Variants in ARHGEF39 observed in about 807,000 individuals in gnomAD.
The protein encoded by ARHGEF39 is Rho guanine nucleotide exchange factor (GEF) 39.
In ARHGEF39, 45 loss-of-function variants were observed where a neutral mutation model predicts 47.5. The ratio of observed to expected loss-of-function variants is 0.95; its 90% confidence interval spans 0.75 to 1.22. The LOEUF is 1.22. Among genes scored for constraint, ARHGEF39 ranks in the 50% most tolerant of loss-of-function variants. ARHGEF39 has a pLI of 0.00. For missense variants in ARHGEF39, 411 were observed against 425.3 expected (o/e 0.97, Z 0.30); for synonymous variants, 164 against 167.8 (o/e 0.98, Z 0.17).
intron 7 of ARHGEF39, 98 bp downstream of exon 7, chr9:35,662,414 G>T: frequency 7.1e-7 from 1 of 1,399,372 alleles, no homozygotes; most frequent in Non-Finnish European, 9.9e-7. Flanking sequence ...AATGTAGATG[G>T]CTCTGTTCCT....
At position 35,659,837 on chromosome 9, in the gene ARHGEF39, T is replaced by TA. The variant is rs778835864; in HGVS notation, c.*2149dup. 1.3e-5 allele frequency: 2 copies of TA among 152,734 alleles called. No individual in the cohort carries two copies. Among genetic ancestry groups the TA allele is most frequent in the Non-Finnish European group, 2.9e-5 (2 of 68,470 alleles). The allele number at this position is 152,734 out of a possible 1,614,324, so 9.5% of individuals were successfully genotyped here. A position where few individuals can be genotyped will look rare whatever the true frequency, so the allele number is the denominator to read the frequency against. On this transcript the variant is annotated 3_prime_UTR_variant, in exon 9 of 9. Coordinates refer to ENST00000378387, the MANE Select transcript of ARHGEF39 (RefSeq NM_032818.3). ...ATTTTGGCTTTGTGCATGAACTGTC[T>TA]AACAACCAAAGTTTTTGTTTTTTTC...
chr9:35,664,990 G>C, intron 1 of ARHGEF39, 42 bp downstream of exon 1: 1 of 1,516,114 alleles, frequency 6.6e-7, no homozygotes, highest in Non-Finnish European at 8.8e-7. Flanking sequence ...CCACACCCTG[G>C]GGTCCCTGTC....
chr9:35,659,696 A>G lies in ARHGEF39; in HGVS notation c.*2291T>C, dbSNP rs1370132603. 1.3e-5 allele frequency: 2 copies of G among 152,384 alleles called. No homozygotes were observed. Among genetic ancestry groups the G allele is most frequent in the East Asian group, 1.9e-4 (1 of 5,188 alleles). 9.4% of individuals were successfully genotyped at this position (152,384 alleles called of 1,614,324 possible). On this transcript the variant is annotated 3_prime_UTR_variant, in exon 9 of 9. Transcript: ENST00000378387. ...GTTAATAAACCAGAAAAAACTCAGG[A>G]AAGTGGGTGAGGGTGTGACCATTGC... is the stretch of plus-strand genomic sequence containing the variant.
At position 35,660,481 on chromosome 9, in the gene ARHGEF39, G is replaced by T. The variant is rs748130756; in HGVS notation, c.*1506C>A. On this transcript the variant is annotated 3_prime_UTR_variant, in exon 9 of 9. Coordinates refer to ENST00000378387, the MANE Select transcript of ARHGEF39 (RefSeq NM_032818.3). ...AGTCAGGTGGGTTTAGCAGAAGTCT[G>T]TGCTGGGTCGGGGGAGTTTAGGGGA... 2.4e-5 allele frequency: 38 copies of T among 1,613,448 alleles called. No individual in the cohort carries two copies. Among genetic ancestry groups the T allele is most frequent in the Non-Finnish European group, 3.2e-5 (38 of 1,179,614 alleles).
chr9:35,664,912 C>T, intron 1 of ARHGEF39, 62 bp from the exon 2 acceptor site: 1 of 1,567,452 alleles, frequency 6.4e-7, no homozygotes. Context: ...GCCAAGCGCC[C>T]CCAGAAACCG....
rs201836449 is a variant in ARHGEF39, at chr9:35,660,417, C to T, written c.*1570G>A. 5.2e-5 allele frequency: 84 copies of T among 1,606,862 alleles called. No individual in the cohort carries two copies. The Admixed American group carries it at 1.2e-3, about 24-fold the overall frequency. On this transcript the variant is annotated 3_prime_UTR_variant, in exon 9 of 9. Transcript: ENST00000378387. ...CCACAACAGGGGAAAGATGAAACTG[C>T]GGTTCTCCACGAGGAGGCAAGCAAG...
chr9:35,663,723 C>T (rs750290652), intron 4 of ARHGEF39, among the ~76,000 whole-genome samples: 2 of 152,152 alleles, frequency 1.3e-5, no homozygotes, highest in Non-Finnish European at 2.9e-5. Flanking sequence ...AATTCTAACC[C>T]AGGCCAGCCC....
At chr9:35,663,140 AG>A in intron 5 of ARHGEF39, 66 bp from the exon 6 acceptor site, 1 of 1,605,714 alleles carries the variant, frequency 6.2e-7, no homozygotes, top group East Asian at 2.2e-5. Context: ...GTTGTGAAAG[AG>A]GTTATTCTGG....
chr9:35,664,447 C>A lies in ARHGEF39; in HGVS notation c.279G>T (p.Leu93=). 2 of 1,609,256 alleles carry A rather than the reference C, an allele frequency of 1.2e-6. No homozygotes were observed. The highest frequency in any genetic ancestry group is 1.7e-6 in the Non-Finnish European group (2 of 1,176,766). Residue 93 remains leucine (L), a synonymous_variant, in exon 3 of 9, where the codon CTG becomes CTT. Transcript: ENST00000378387. ...GCTCCAAGTGGCGGCAGAAGCCCTC[C>A]AGCCCTTGGCCCCAGCATCCTCCTT... ...YLEGGCWGQG[L]EGFCRHLELY... is the part of the protein sequence containing the mutation.
Position 35,660,419 on chromosome 9 carries a change from G to A in ARHGEF39, c.*1568C>T, listed in dbSNP as rs1168207031. 2 of 1,608,674 alleles carry A rather than the reference G, an allele frequency of 1.2e-6. No individual in the cohort carries two copies. The highest frequency in any genetic ancestry group is 2.2e-5 in the South Asian group (2 of 90,218). On this transcript the variant is annotated 3_prime_UTR_variant, in exon 9 of 9. Coordinates refer to ENST00000378387, the MANE Select transcript of ARHGEF39 (RefSeq NM_032818.3). Reference sequence around the variant, plus strand: ...ACAACAGGGGAAAGATGAAACTGCGGTTCTCCACGAGGAGGCAAGCAAGCA... The same window carrying A: ...ACAACAGGGGAAAGATGAAACTGCGATTCTCCACGAGGAGGCAAGCAAGCA...
In ARHGEF39 at chr9:35,660,397, A is replaced by G; in HGVS notation, c.*1590T>C. ...AGTACTGCCCTTTCCTTCTTCCACA[A>G]CAGGGGAAAGATGAAACTGCGGTTC... On this transcript the variant is annotated 3_prime_UTR_variant, in exon 9 of 9. Coordinates refer to ENST00000378387, the MANE Select transcript of ARHGEF39 (RefSeq NM_032818.3). 1.3e-6 allele frequency: 2 copies of G among 1,594,568 alleles called. No homozygotes were observed. The highest frequency in any genetic ancestry group is 1.7e-6 in the Non-Finnish European group (2 of 1,170,786).
intron 5 of ARHGEF39, 101 bp downstream of exon 5, chr9:35,663,221 G>A (rs1193395076): frequency 1.3e-6 from 2 of 1,552,690 alleles, no homozygotes; most frequent in Admixed American, 1.7e-5. Flanking sequence ...ATACATGTCA[G>A]TGGAAGATAG....
Position 35,662,993 on chromosome 9 carries a change from C to A in ARHGEF39, c.626G>T (p.Arg209Leu). The change falls in exon 6 of 9, where the codon CGT becomes CTT. Residue 209 changes from arginine (R) to leucine (L), a missense_variant. Coordinates refer to ENST00000378387, the MANE Select transcript of ARHGEF39 (RefSeq NM_032818.3). ...QKQKNDQHLR[R>L]VQALLSGRQA... Reference sequence around the variant, plus strand: ...GCGTCCACTGAGCAGAGCCTGGACACGCCGAAGGTGCTGGTCATTCTTCTG... The same window carrying A: ...GCGTCCACTGAGCAGAGCCTGGACAAGCCGAAGGTGCTGGTCATTCTTCTG... 1 of 1,614,020 alleles carries A rather than the reference C, an allele frequency of 6.2e-7. No individual in the cohort carries two copies. The highest frequency in any genetic ancestry group is 8.5e-7 in the Non-Finnish European group (1 of 1,179,916).
In ARHGEF39 at chr9:35,663,035, T is replaced by C. The variant is rs373712531; in HGVS notation, c.584A>G (p.His195Arg). 7 of 1,611,896 alleles carry C rather than the reference T, an allele frequency of 4.3e-6. No individual in the cohort carries two copies. In the African/African-American group the frequency reaches 9.4e-5, roughly 22 times the overall value. ...RLISETAQRV[H>R]TIGQKQKNDQ... ...ATTCTTCTGTTTCTGACCAATAGTA[T>C]GGACTCTCTGGGCAGTCTCACTTAT... is the stretch of plus-strand genomic sequence containing the variant. Residue 195 changes from histidine to arginine, a missense_variant, in exon 6 of 9, where the codon CAT (histidine) becomes CGT (arginine). Transcript: ENST00000378387.
Position 35,664,053 on chromosome 9 carries a change from AG to A in ARHGEF39, c.427del (p.Leu143PhefsTer22). On this transcript the variant is annotated frameshift_variant, in exon 4 of 9. Transcript: ENST00000378387. LOFTEE classifies it high-confidence loss of function. ...LQEGRPEFGG[L>X]QLQDLLPLPL... ...CAGAGGGAGCAGGTCCTGGAGCTGA[AG>A]GCCCCCAAACTCAGGGCGGCCTTCC... 6.2e-7 allele frequency: 1 copy of A among 1,614,140 alleles called. No individual in the cohort carries two copies. Among genetic ancestry groups the A allele is most frequent in the Non-Finnish European group, 8.5e-7 (1 of 1,179,972 alleles).
At position 35,661,714 on chromosome 9, in the gene ARHGEF39, G is replaced by C. The variant is rs1226963432; in HGVS notation, c.*273C>G. On this transcript the variant is annotated 3_prime_UTR_variant, in exon 9 of 9. Coordinates refer to ENST00000378387, the MANE Select transcript of ARHGEF39 (RefSeq NM_032818.3). ...AAATAGAGACAGGGTCTCACTCACT[G>C]TGTTGCCCAGGCTGGTCTTGAACTC... 2.3e-6 allele frequency: 1 copy of C among 441,728 alleles called. No individual in the cohort carries two copies. Among genetic ancestry groups the C allele is most frequent in the African/African-American group, 2.0e-5 (1 of 49,950 alleles). 27.4% of individuals were successfully genotyped at this position (441,728 alleles called of 1,614,324 possible).
At chr9:35,664,955 G>A in intron 1 of ARHGEF39, 77 bp downstream of exon 1, 2 of 1,512,798 alleles carry the variant, frequency 1.3e-6, no homozygotes, top group Non-Finnish European at 8.8e-7. Context: ...ACATGCTCCG[G>A]GTTACCGACC....
In ARHGEF39 at chr9:35,664,060, C is replaced by T; in HGVS notation, c.421G>A (p.Gly141Arg). 1 of 1,614,128 alleles carries T rather than the reference C, an allele frequency of 6.2e-7. No individual in the cohort carries two copies. The highest frequency in any genetic ancestry group is 1.1e-5 in the South Asian group (1 of 91,074). The change falls in exon 4 of 9, where the codon GGG becomes AGG. Residue 141 changes from glycine to arginine, a missense_variant. Coordinates refer to ENST00000378387, the MANE Select transcript of ARHGEF39 (RefSeq NM_032818.3). ...VRLQEGRPEF[G>R]GLQLQDLLPL... is the part of the protein sequence containing the mutation. ...AGCAGGTCCTGGAGCTGAAGGCCCC[C>T]AAACTCAGGGCGGCCTTCCTGAAGC... is the stretch of plus-strand genomic sequence containing the variant.
chr9:35,660,596 C>T lies in ARHGEF39; in HGVS notation c.*1391G>A, dbSNP rs750249625. 2.5e-6 allele frequency: 4 copies of T among 1,614,072 alleles called. No individual in the cohort carries two copies. The South Asian group carries it at 3.3e-5, about 13-fold the overall frequency. On this transcript the variant is annotated 3_prime_UTR_variant, in exon 9 of 9. Coordinates refer to ENST00000378387, the MANE Select transcript of ARHGEF39 (RefSeq NM_032818.3). ...CAGTTGACACAACAGCTGGCCCAGA[C>T]AGAGCAGCACCTGAACAACCTGATG...
Sources: gnomAD v4.1 joint callset for allele counts (sites outside exome capture counted in the v4.1 genomes callset) on GRCh38, gnomAD v4.1.1 for gene constraint, MANE v1.5 for transcripts, NCBI Gene and HGNC (gene_info 2026-07-23, HGNC 2026-07-21) for gene names.